MARK1: variants seen among roughly 807,000 people sequenced by gnomAD.
The protein encoded by MARK1 is serine/threonine-protein kinase MARK1.
Under a neutral mutation model 96.3 loss-of-function variants are expected in MARK1, and 40 were observed. That is an observed-to-expected ratio of 0.42 (90% CI 0.32 to 0.54). The LOEUF (loss-of-function observed/expected upper bound fraction) is 0.54, where lower values mean the gene tolerates loss of function less well. Among genes scored for constraint, MARK1 ranks in the 20% least tolerant of loss-of-function variants. The pLI, the probability that MARK1 is intolerant of heterozygous loss-of-function variation, is 0.16. For missense variants in MARK1, 719 were observed against 984.6 expected, an observed-to-expected ratio of 0.73 and a Z score of 3.61; for synonymous variants, 317 against 341.2, an observed-to-expected ratio of 0.93 and a Z score of 0.78.
chr1:220,654,411 G>C lies in MARK1; in HGVS notation c.1988+1059G>C, dbSNP rs1211414859. On this transcript the variant is annotated intron_variant, in intron 16 of 17. Coordinates refer to ENST00000366917, the MANE Select transcript of MARK1 (RefSeq NM_018650.5). This position sits in a 1 kb window ranked among gnomAD's most constrained non-coding sequence, Gnocchi z 4.0. Reference sequence around the variant, plus strand: ...AAGCAGCTTCAGTCTTACTTGCCTTGTCATGGAGCTATTTATAGGCTTGGT... The same window carrying C: ...AAGCAGCTTCAGTCTTACTTGCCTTCTCATGGAGCTATTTATAGGCTTGGT... Among the ~76,000 whole-genome samples, 1 of 152,234 alleles carries C rather than the reference G, an allele frequency of 6.6e-6. No homozygotes were observed. Among genetic ancestry groups the C allele is most frequent in the Non-Finnish European group, 1.5e-5 (1 of 68,042 alleles).
intron 13 of MARK1, 123 bp downstream of exon 13, chr1:220,636,149 A>G (rs1438102463): frequency 2.9e-6 from 2 of 696,632 alleles, no homozygotes; most frequent in African/African-American, 3.7e-5. Flanking sequence ...TAATTTAAAG[A>G]ACATGCAAAA....
intron 17 of MARK1, among the ~76,000 whole-genome samples, chr1:220,660,030 G>C (rs554055952): frequency 5.9e-5 from 9 of 152,262 alleles, no homozygotes; most frequent in African/African-American, 2.2e-4. Context: ...TCATGGTCCT[G>C]CCACCTTGGC....
chr1:220,617,517 AT>A (rs1340775076), intron 7 of MARK1, among the ~76,000 whole-genome samples: 1 of 152,192 alleles, frequency 6.6e-6, no homozygotes, highest in Non-Finnish European at 1.5e-5. Context: ...ATCCATTGTA[AT>A]AGAGTTTAAA....
intron 9 of MARK1, among the ~76,000 whole-genome samples, chr1:220,630,487 C>G (rs964759985): frequency 1.3e-5 from 2 of 152,106 alleles, no homozygotes; most frequent in African/African-American, 4.8e-5. Context: ...CACATCAACC[C>G]CAGCTTGATT....
At chr1:220,640,624 T>C (rs531704761) in intron 13 of MARK1, among the ~76,000 whole-genome samples, 49 of 152,330 alleles carry the variant, frequency 3.2e-4, no homozygotes, top group South Asian at 1.2e-3. Flanking sequence ...ATGGATACTT[T>C]ATAAAGAAAA....
chr1:220,541,351 T>C (rs1011391233), intron 1 of MARK1, among the ~76,000 whole-genome samples: 1 of 152,180 alleles, frequency 6.6e-6, no homozygotes, highest in Non-Finnish European at 1.5e-5. Context: ...TCCTGGAGAA[T>C]GTTCTGTGTG....
chr1:220,535,176 A>T (rs1037319293), intron 1 of MARK1, among the ~76,000 whole-genome samples: 1 of 152,106 alleles, frequency 6.6e-6, no homozygotes, highest in Admixed American at 6.5e-5. Context: ...ATTTCCACCA[A>T]CAGTGCACAA....
At chr1:220,626,902 G>T in intron 9 of MARK1, 1 of 494,868 alleles carries the variant, frequency 2.0e-6, no homozygotes, top group East Asian at 5.0e-5. Context: ...GCTGATGCTG[G>T]GAGGAAGTGG....
At chr1:220,655,891 C>G (rs1271101482) in intron 16 of MARK1, among the ~76,000 whole-genome samples, 1 of 152,126 alleles carries the variant, frequency 6.6e-6, no homozygotes, top group Non-Finnish European at 1.5e-5. Context: ...CCACTCTTCC[C>G]CTTGCTGCTT....
intron 1 of MARK1, among the ~76,000 whole-genome samples, chr1:220,541,499 T>TCGAATACC (rs1360847054): frequency 6.6e-6 from 1 of 152,204 alleles, no homozygotes; most frequent in African/African-American, 2.4e-5. Context: ...TATTCTATCA[T>TCGAATACC]TATCGAATGT....
At position 220,662,119 on chromosome 1, in the gene MARK1, G is replaced by T; in HGVS notation, c.2341G>T (p.Ala781Ser). 1 of 1,613,838 alleles carries T rather than the reference G, an allele frequency of 6.2e-7. No individual in the cohort carries two copies. Among genetic ancestry groups the T allele is most frequent in the Non-Finnish European group, 8.5e-7 (1 of 1,179,944 alleles). Residue 781 changes from alanine to serine, a missense_variant, in exon 18 of 18, where the codon GCC becomes TCC. This residue lies in a region of MARK1 where 17 missense variants were observed against 49.7 expected (regional missense o/e 0.34). Transcript: ENST00000366917. ...CAAGCGAATATCTGGGACATCTATT[G>T]CCTTTAAGAACATTGCATCAAAAAT... ...RFKRISGTSIAFKNIASKIAN... is the reference protein window; with the variant it reads ...RFKRISGTSISFKNIASKIAN...
At chr1:220,569,751 A>G (rs942619338) in intron 1 of MARK1, among the ~76,000 whole-genome samples, 3 of 152,054 alleles carry the variant, frequency 2.0e-5, no homozygotes, top group African/African-American at 7.2e-5. Context: ...GTTTTTAAAA[A>G]GTTTTTTTCA....
intron 3 of MARK1, among the ~76,000 whole-genome samples, chr1:220,588,252 G>A (rs993496408): frequency 1.3e-5 from 2 of 152,078 alleles, no homozygotes; most frequent in Non-Finnish European, 2.9e-5. Flanking sequence ...TATACCCAAA[G>A]CTGTGCAGGA....
intron 17 of MARK1, among the ~76,000 whole-genome samples, chr1:220,659,285 TGA>T (rs1669336085): frequency 6.6e-6 from 1 of 151,982 alleles, no homozygotes; most frequent in African/African-American, 2.4e-5. Context: ...ATTTTACAGA[TGA>T]AAAAAAACAG....
intron 7 of MARK1, among the ~76,000 whole-genome samples, chr1:220,616,842 G>C (rs1666779157): frequency 6.6e-6 from 1 of 152,042 alleles, no homozygotes; most frequent in African/African-American, 2.4e-5. Flanking sequence ...CTGTTCCCCT[G>C]CTTCTGTGTT....
At chr1:220,539,893 T>C (rs190034376) in intron 1 of MARK1, among the ~76,000 whole-genome samples, 1 of 152,102 alleles carries the variant, frequency 6.6e-6, no homozygotes, top group African/African-American at 2.4e-5. Context: ...CTTTATAAAA[T>C]GAGTTAAGAA....
intron 3 of MARK1, among the ~76,000 whole-genome samples, chr1:220,596,417 G>A (rs913183565): frequency 3.3e-5 from 5 of 152,206 alleles, no homozygotes; most frequent in African/African-American, 4.8e-5. Flanking sequence ...CAAAGTTACA[G>A]AAAGTACTTG....
chr1:220,653,492 G>GA, intron 16 of MARK1, 140 bp downstream of exon 16: 1 of 852,178 alleles, frequency 1.2e-6, no homozygotes, highest in African/African-American at 1.7e-5. Context: ...AGAGTTGGAA[G>GA]AAAAAAATCT....
chr1:220,535,750 A>C (rs1380406663), intron 1 of MARK1, among the ~76,000 whole-genome samples: 3 of 152,050 alleles, frequency 2.0e-5, no homozygotes, highest in Non-Finnish European at 4.4e-5. Context: ...TTTTCCCAGC[A>C]CCATTTGTTG....
Sources: gnomAD v4.1 joint callset for allele counts (sites outside exome capture counted in the v4.1 genomes callset) on GRCh38, gnomAD v4.1.1 for gene constraint, gnomAD v4.1.1 regional missense constraint, Gnocchi (gnomAD v3.1) non-coding constraint, MANE v1.5 for transcripts, NCBI Gene and HGNC (gene_info 2026-07-23, HGNC 2026-07-21) for gene names.